The following KMO variants were observed in gnomAD, a reference collection of about 807,000 sequenced individuals.
The protein encoded by KMO is kynurenine 3-hydroxylase.
In KMO, 24 loss-of-function variants were observed where a neutral mutation model predicts 57.8. The ratio of observed to expected loss-of-function variants is 0.42; its 90% CI spans 0.30 to 0.58. KMO has a LOEUF of 0.58. KMO is among the 20% of genes least tolerant of loss of function. The pLI is 0.22. For missense variants in KMO, 483 were observed against 588.2 expected (o/e 0.82, Z 1.85); for synonymous variants, 210 against 193.6 (o/e 1.08, Z -0.70).
chr1:241,533,112 T>C (rs66710178), intron 1 of KMO, among the ~76,000 whole-genome samples: 11,733 of 152,278 alleles, frequency 0.077, 781 homozygotes, highest in African/African-American at 0.17. Flanking sequence ...GCTTCCCCCA[T>C]ACCTAACAAG....
chr1:241,576,187 A>C (rs1312057330), intron 10 of KMO, among the ~76,000 whole-genome samples: 1 of 151,976 alleles, frequency 6.6e-6, no homozygotes, highest in African/African-American at 2.4e-5. Flanking sequence ...GACAGCAGAC[A>C]CTTGGTTTCT....
chr1:241,536,538 AT>A, intron 1 of KMO: 1 of 985,254 alleles, frequency 1.0e-6, no homozygotes, highest in Non-Finnish European at 1.2e-6. Flanking sequence ...TCAAGACACC[AT>A]TTTTTGACTG....
intron 1 of KMO, among the ~76,000 whole-genome samples, chr1:241,545,658 C>T (rs191222114): frequency 3.5e-4 from 54 of 152,280 alleles, no homozygotes; most frequent in African/African-American, 1.2e-3. Flanking sequence ...CACATTCTTA[C>T]AGTACTGGGG....
At chr1:241,549,543 C>A (rs1351073197) in intron 2 of KMO, 134 bp from the exon 3 acceptor site, 2 of 439,270 alleles carry the variant, frequency 4.6e-6, no homozygotes, top group African/African-American at 4.1e-5. Flanking sequence ...CTGCTATTAG[C>A]ATTTTCTTTA....
At chr1:241,562,933 A>C (rs1476336118) in intron 7 of KMO, among the ~76,000 whole-genome samples, 71 of 67,758 alleles carry the variant, frequency 1.0e-3, no homozygotes, top group South Asian at 4.8e-3. Flanking sequence ...GAAGGAAGGA[A>C]GGAAGGAGAC....
At chr1:241,571,496 G>C (rs538801872) in intron 10 of KMO, among the ~76,000 whole-genome samples, 95 of 152,156 alleles carry the variant, frequency 6.2e-4, no homozygotes, top group African/African-American at 2.2e-3. Context: ...TATCATGAAG[G>C]GATGTTGAAT....
intron 10 of KMO, among the ~76,000 whole-genome samples, chr1:241,570,920 G>A (rs1480318094): frequency 6.6e-6 from 1 of 152,042 alleles, no homozygotes; most frequent in East Asian, 1.9e-4. Flanking sequence ...CATGAGCATG[G>A]AATATCTTTC....
Position 241,555,605 on chromosome 1 carries a change from C to G in KMO, c.313-7C>G. ...AACAAACAGTATCTACTCTACTTTTCTTGCAGTATATTCTTTCTGTAAGCA... is the reference window on the plus strand; with the variant it reads ...AACAAACAGTATCTACTCTACTTTTGTTGCAGTATATTCTTTCTGTAAGCA... On this transcript the variant is annotated splice_polypyrimidine_tract_variant and splice_region_variant and intron_variant, in intron 4 of 14. Transcript: ENST00000366559. 1 of 1,510,652 alleles carries G rather than the reference C, an allele frequency of 6.6e-7. No individual in the cohort carries two copies. Among genetic ancestry groups the G allele is most frequent in the Non-Finnish European group, 9.2e-7 (1 of 1,088,366 alleles). 93.6% of individuals were successfully genotyped at this position (1,510,652 alleles called of 1,614,324 possible).
chr1:241,560,523 A>T (rs1232351557), intron 5 of KMO, 142 bp from the exon 6 acceptor site: 3 of 632,456 alleles, frequency 4.7e-6, no homozygotes. Flanking sequence ...TCAAATTACC[A>T]TTTAAGTGAA....
intron 9 of KMO, among the ~76,000 whole-genome samples, chr1:241,567,688 C>A (rs1312989792): frequency 6.6e-6 from 1 of 152,162 alleles, no homozygotes; most frequent in Non-Finnish European, 1.5e-5. Context: ...CACTGCTGGC[C>A]CATAGCAGGT....
At position 241,552,190 on chromosome 1, in the gene KMO, GAGAGAGAGAA is replaced by G. The variant is rs775971462; in HGVS notation, c.312+1151_312+1160del. On this transcript the variant is annotated intron_variant, in intron 4 of 14. Transcript: ENST00000366559. ...TGAGTGTGTGTGAGAGAGAGAGAGA[GAGAGAGAGAA>G]AGAGCGTGCATACATTCCCCAAGAG... Among the ~76,000 whole-genome samples, 324 of 110,214 alleles carry G rather than the reference GAGAGAGAGAA, an allele frequency of 2.9e-3. 3 individuals carry two copies. Among genetic ancestry groups the G allele is most frequent in the African/African-American group, 9.6e-3 (298 of 30,928 alleles). 72.3% of individuals were successfully genotyped at this position (110,214 alleles called of 152,430 possible). A position where few individuals can be genotyped will look rare whatever the true frequency, so the allele number is the denominator to read the frequency against.
chr1:241,572,848 C>G (rs996940606), intron 10 of KMO, among the ~76,000 whole-genome samples: 3 of 152,094 alleles, frequency 2.0e-5, no homozygotes, highest in Non-Finnish European at 2.9e-5. Flanking sequence ...CGTTTCTGTA[C>G]TCATAATTTA....
chr1:241,532,395 G>A lies in KMO; in HGVS notation c.-50G>A. 1.2e-6 allele frequency: 2 copies of A among 1,611,544 alleles called. No homozygotes were observed. The highest frequency in any genetic ancestry group is 1.1e-5 in the South Asian group (1 of 90,854). On this transcript the variant is annotated 5_prime_UTR_variant, in exon 1 of 15. Coordinates refer to ENST00000366559, the MANE Select transcript of KMO (RefSeq NM_003679.5). ...GTGTGTAGGAGACACAGAAATCAGTGTCACTCAGTGACAGAAGCAACAATA... is the reference window on the plus strand; with the variant it reads ...GTGTGTAGGAGACACAGAAATCAGTATCACTCAGTGACAGAAGCAACAATA...
chr1:241,544,367 G>A lies in KMO; in HGVS notation c.55-4462G>A, dbSNP rs370730233. On this transcript the variant is annotated intron_variant, in intron 1 of 14. Transcript: ENST00000366559. ...CCTGTGTCTTCATTCCAACTCTCAC[G>A]ACCTGTTGTCTTTTGTGATAATTGA... Among the ~76,000 whole-genome samples the A allele has an allele frequency of 1.8e-4, 27 of 152,238 alleles. 1 individual carries two copies. The highest frequency in any genetic ancestry group is 6.3e-4 in the African/African-American group (26 of 41,558).
intron 10 of KMO, among the ~76,000 whole-genome samples, chr1:241,577,487 C>T (rs1273032733): frequency 6.6e-6 from 1 of 152,060 alleles, no homozygotes; most frequent in East Asian, 1.9e-4. Flanking sequence ...GCTCTTGGTG[C>T]TTTCAGAGTT....
chr1:241,587,702 C>T (rs1003370778), intron 11 of KMO, among the ~76,000 whole-genome samples: 11 of 152,186 alleles, frequency 7.2e-5, no homozygotes, highest in Non-Finnish European at 5.9e-5. Flanking sequence ...CCTCTGCCTC[C>T]CAAAGTGCTG....
chr1:241,570,528 G>C (rs187794145), intron 10 of KMO, among the ~76,000 whole-genome samples: 1 of 152,038 alleles, frequency 6.6e-6, no homozygotes, highest in Non-Finnish European at 1.5e-5. Context: ...ATTTATTGAA[G>C]AGACTGTCTT....
chr1:241,540,422 G>A (rs1660918803), intron 1 of KMO, among the ~76,000 whole-genome samples: 1 of 151,954 alleles, frequency 6.6e-6, no homozygotes. Flanking sequence ...GAGGAGTAGA[G>A]GTATCAGGAA....
At chr1:241,547,450 A>G (rs1661191401) in intron 1 of KMO, among the ~76,000 whole-genome samples, 1 of 152,206 alleles carries the variant, frequency 6.6e-6, no homozygotes, top group East Asian at 1.9e-4. Context: ...AAGAAAAAAG[A>G]TAGGCAACCC....
Sources: gnomAD v4.1 joint callset for allele counts (sites outside exome capture counted in the v4.1 genomes callset) on GRCh38, gnomAD v4.1.1 for gene constraint, MANE v1.5 for transcripts, NCBI Gene and HGNC (gene_info 2026-07-23, HGNC 2026-07-21) for gene names.